Variants in IL9R observed in about 807,000 individuals in gnomAD.
IL9R encodes the protein interleukin-9 receptor.
IL9R carries 54 observed loss-of-function variants against 56.3 expected under a neutral mutation model. The ratio of observed to expected loss-of-function variants is 0.96; its 90% confidence interval spans 0.77 to 1.20. IL9R has a LOEUF of 1.20. Among genes scored for constraint, IL9R ranks in the 50% most tolerant of loss-of-function variants. The pLI, the probability that IL9R is intolerant of heterozygous loss-of-function variation, is 0.00. For missense variants in IL9R, 545 were observed against 629.8 expected (o/e 0.87, Z 1.44); for synonymous variants, 212 against 250.2 (o/e 0.85, Z 1.44).
At chrX:156,007,398 G>T (rs756900392) in intron 7 of IL9R, 125 bp from the exon 8 acceptor site, 4 of 721,556 alleles carry the variant, frequency 5.5e-6, no homozygotes, top group Non-Finnish European at 1.0e-5. Context: ...TGATGAGATG[G>T]GAGAGAGGCA....
chrX:156,005,900 A>G (rs905548241), intron 6 of IL9R, among the ~76,000 whole-genome samples, 183 bp from the exon 7 acceptor site: 2 of 143,412 alleles, frequency 1.4e-5, no homozygotes, highest in African/African-American at 2.8e-5. Context: ...GTCCTTCAGC[A>G]GGTGACACAA....
At position 156,008,852 on chromosome X, in the gene IL9R, GC is replaced by G. The variant is rs1478264945; in HGVS notation, c.973-963del. 5.9e-5 allele frequency among the ~76,000 whole-genome samples: 9 copies of G among 151,820 alleles called. No homozygotes were observed. The South Asian group carries it at 1.9e-3, about 32-fold the overall frequency. ...GCTTTGAAAGTCACCAGTCCTGACAGCGATTCGTGTGTGTGTCTGTGTGTGT... is the reference window on the plus strand; with the variant it reads ...GCTTTGAAAGTCACCAGTCCTGACAGGATTCGTGTGTGTGTCTGTGTGTGT... On this transcript the variant is annotated intron_variant, in intron 8 of 8. Transcript: ENST00000244174.
At position 156,005,987 on chromosome X, in the gene IL9R, C is replaced by T. The variant is rs1401538410; in HGVS notation, c.782-96C>T. The T allele has an allele frequency of 4.5e-5, 31 of 696,086 alleles. No homozygotes were observed. In the East Asian group the frequency reaches 7.8e-4, roughly 18 times the overall value. The allele number at this position is 696,086 out of a possible 1,614,324, so 43.1% of individuals were successfully genotyped here. A position where few individuals can be genotyped will look rare whatever the true frequency, so the allele number is the denominator to read the frequency against. ...GCCCATCACAAACCTTCCACTTTGGCCCAGGGCACTAAAGGGCGCACCTTT... is the reference window on the plus strand; with the variant it reads ...GCCCATCACAAACCTTCCACTTTGGTCCAGGGCACTAAAGGGCGCACCTTT... On this transcript the variant is annotated intron_variant, in intron 6 of 8. Transcript: ENST00000244174.
intron 2 of IL9R, among the ~76,000 whole-genome samples, 170 bp downstream of exon 2, chrX:156,003,189 C>T (rs187281206): frequency 7.2e-5 from 11 of 152,034 alleles, no homozygotes. Flanking sequence ...CCTACTTTTA[C>T]CTCCCTACCT....
intron 1 of IL9R, among the ~76,000 whole-genome samples, chrX:156,000,796 G>T (rs2067467890): frequency 6.6e-6 from 1 of 152,224 alleles, no homozygotes; most frequent in African/African-American, 2.4e-5. Flanking sequence ...GGTGCCTTCT[G>T]CTGGGGCATG....
chrX:156,004,243 T>A, intron 4 of IL9R, 177 bp from the exon 5 acceptor site: 1 of 631,672 alleles, frequency 1.6e-6, no homozygotes, highest in Admixed American at 2.9e-5. Flanking sequence ...CCAGAGGAAG[T>A]CATTGCTGTC....
Position 156,008,094 on chromosome X carries a change from C to A in IL9R, c.972+487C>A, listed in dbSNP as rs760683491. The A allele has an allele frequency of 5.9e-5, 13 of 219,380 alleles. No homozygotes were observed. The East Asian group carries it at 1.3e-3, about 22-fold the overall frequency. The allele number at this position is 219,380 out of a possible 1,614,324, so 13.6% of individuals were successfully genotyped here. A position where few individuals can be genotyped will look rare whatever the true frequency, so the allele number is the denominator to read the frequency against. ...GAGGAGTGGGCTCTGCACTTCCCCC[C>A]CTTCCACCCATGTTGGGCTCCTACA... On this transcript the variant is annotated intron_variant, in intron 8 of 8. Coordinates refer to ENST00000244174, the MANE Select transcript of IL9R (RefSeq NM_002186.3).
At chrX:156,001,429 G>C (rs1464146358) in intron 1 of IL9R, 1 of 1,610,606 alleles carries the variant, frequency 6.2e-7, no homozygotes, top group African/African-American at 1.3e-5. Context: ...AGAACGGACA[G>C]ACACTGCTGC....
chrX:156,007,050 A>C (rs1210417424), intron 7 of IL9R, among the ~76,000 whole-genome samples: 3 of 151,996 alleles, frequency 2.0e-5, no homozygotes, highest in Non-Finnish European at 4.4e-5. Flanking sequence ...AATGGGGGAC[A>C]GCCTTGCAGG....
At position 156,005,275 on chromosome X, in the gene IL9R, C is replaced by T. The variant is rs754473857; in HGVS notation, c.580-3C>T. 24 of 1,611,886 alleles carry T rather than the reference C, an allele frequency of 1.5e-5. No individual in the cohort carries two copies. The South Asian group carries it at 2.4e-4, about 16-fold the overall frequency. On this transcript the variant is annotated splice_region_variant and splice_polypyrimidine_tract_variant and intron_variant, in intron 5 of 8. Coordinates refer to ENST00000244174, the MANE Select transcript of IL9R (RefSeq NM_002186.3). ...CACCTGCTAACTGTCCCCACCCCCA[C>T]AGCAGGCCCAGCACAGGGATCACAT...
chrX:156,003,099 A>G, intron 2 of IL9R, 80 bp downstream of exon 2: 1 of 1,578,766 alleles, frequency 6.3e-7, no homozygotes, highest in Non-Finnish European at 8.7e-7. Context: ...TCCGATGTCA[A>G]GCCTCTAGGG....
At chrX:156,000,145 A>AAATATATATAT (rs780163667) in intron 1 of IL9R, among the ~76,000 whole-genome samples, 6 of 144,278 alleles carry the variant, frequency 4.2e-5, no homozygotes, top group South Asian at 2.2e-4. Flanking sequence ...AAAAAAAAAA[A>AAATATATATAT]ATATATATAT....
chrX:156,004,268 G>T, intron 4 of IL9R, 152 bp from the exon 5 acceptor site: 1 of 709,522 alleles, frequency 1.4e-6, no homozygotes, highest in Non-Finnish European at 2.4e-6. Context: ...CCCGCCTGGG[G>T]CTTTTGTGGA....
At chrX:156,009,015 C>CTCTGTGTGTGTGTCTGTA (rs1261130082) in intron 8 of IL9R, among the ~76,000 whole-genome samples, 1 of 81,002 alleles carries the variant, frequency 1.2e-5, no homozygotes, top group East Asian at 3.6e-4. Flanking sequence ...GTGTGTGTGT[C>CTCTGTGTGTGTGTCTGTA]TCTGTGTGTG....
At chrX:155,998,162 G>A (rs772769244) in intron 1 of IL9R, among the ~76,000 whole-genome samples, 1 of 152,176 alleles carries the variant, frequency 6.6e-6, no homozygotes, top group South Asian at 2.1e-4. Flanking sequence ...GGCCTCAGTT[G>A]TGATGGCCAT....
intron 6 of IL9R, 41 bp downstream of exon 6, chrX:156,005,520 G>C: frequency 6.4e-7 from 1 of 1,557,898 alleles, no homozygotes; most frequent in Non-Finnish European, 8.8e-7. Flanking sequence ...GCGGAGTCTG[G>C]GCTGGGCGTC....
At chrX:156,001,434 TG>T in intron 1 of IL9R, 1 of 1,610,958 alleles carries the variant, frequency 6.2e-7, no homozygotes. Context: ...GGACAGACAC[TG>T]CTGCAGAGAA....
intron 7 of IL9R, among the ~76,000 whole-genome samples, chrX:156,007,048 A>C (rs1291373249): frequency 6.6e-6 from 1 of 151,898 alleles, no homozygotes; most frequent in Non-Finnish European, 1.5e-5. Context: ...GAAATGGGGG[A>C]CAGCCTTGCA....
chrX:156,006,818 C>G (rs1367746280), intron 7 of IL9R, among the ~76,000 whole-genome samples: 1 of 150,892 alleles, frequency 6.6e-6, no homozygotes, highest in Non-Finnish European at 1.5e-5. Flanking sequence ...GTGACACAAC[C>G]TAGTTTATGT....
Sources: gnomAD v4.1 joint callset for allele counts (sites outside exome capture counted in the v4.1 genomes callset) on GRCh38, gnomAD v4.1.1 for gene constraint, MANE v1.5 for transcripts, NCBI Gene and HGNC (gene_info 2026-07-23, HGNC 2026-07-21) for gene names.